Variants in APBA1 observed in about 807,000 individuals in gnomAD.
APBA1 encodes the protein amyloid-beta A4 precursor protein-binding family A member 1.
In APBA1, 55 loss-of-function variants were observed where a neutral mutation model predicts 86.6. That is an observed-to-expected ratio of 0.64 (90% CI 0.51 to 0.80). APBA1 has a LOEUF of 0.80. Ranked by LOEUF, APBA1 falls within the 30% of genes least tolerant of loss-of-function variation. The pLI is 0.00. For missense variants in APBA1, 1,090 were observed against 1,183.0 expected, an observed-to-expected ratio of 0.92 and a Z score of 1.15; for synonymous variants, 511 against 493.9, an observed-to-expected ratio of 1.03 and a Z score of -0.46.
At chr9:69,597,704 G>A (rs1374933641) in intron 1 of APBA1, among the ~76,000 whole-genome samples, 4 of 152,176 alleles carry the variant, frequency 2.6e-5, no homozygotes, top group Non-Finnish European at 4.4e-5. Flanking sequence ...TTGTAAGGAA[G>A]GGATCCAGTT....
chr9:69,609,530 T>C (rs547892706), intron 1 of APBA1, among the ~76,000 whole-genome samples: 5 of 152,324 alleles, frequency 3.3e-5, no homozygotes, highest in African/African-American at 1.2e-4. Flanking sequence ...ATGCACATGG[T>C]TTACTATGGC....
chr9:69,633,640 C>G (rs1823095417), intron 1 of APBA1, among the ~76,000 whole-genome samples: 2 of 152,148 alleles, frequency 1.3e-5, no homozygotes. Context: ...ATCAAAGTTT[C>G]CTCTCCATCT....
At position 69,427,865 on chromosome 9, in the gene APBA1, A is replaced by AGCACCTAGAGT; in HGVS notation, c.*3461_*3462insACTCTAGGTGC. On this transcript the variant is annotated 3_prime_UTR_variant, in exon 13 of 13. Coordinates refer to ENST00000265381, the MANE Select transcript of APBA1 (RefSeq NM_001163.4). The stretch of plus-strand genomic sequence containing the variant: ...TACTATACTTCTCCCGACACTTTAC[A>AGCACCTAGAGT]ATAAGCTCTATTTCACCCTCTTTAC... The AGCACCTAGAGT allele has an allele frequency of 6.6e-6, 1 of 152,326 alleles. No individual in the cohort carries two copies. Among genetic ancestry groups the AGCACCTAGAGT allele is most frequent in the Admixed American group, 6.5e-5 (1 of 15,300 alleles). The allele number at this position is 152,326 out of a possible 1,614,324, so 9.4% of individuals were successfully genotyped here.
chr9:69,605,300 G>A (rs753761086), intron 1 of APBA1, among the ~76,000 whole-genome samples: 2 of 151,248 alleles, frequency 1.3e-5, no homozygotes, highest in Non-Finnish European at 2.9e-5. Flanking sequence ...CCTCCCCAGA[G>A]CAAACTAAAA....
chr9:69,580,475 G>A (rs904273538), intron 1 of APBA1, among the ~76,000 whole-genome samples: 4 of 152,234 alleles, frequency 2.6e-5, no homozygotes, highest in Admixed American at 2.0e-4. Flanking sequence ...TGCCTGAAGG[G>A]TAAAAATCAA....
chr9:69,498,534 A>G (rs1835834566), intron 2 of APBA1, among the ~76,000 whole-genome samples: 1 of 152,160 alleles, frequency 6.6e-6, no homozygotes, highest in Admixed American at 6.5e-5. Flanking sequence ...AGAGCAGAGG[A>G]GGCTTGAAGG....
chr9:69,555,566 T>C (rs1836848221), intron 1 of APBA1, among the ~76,000 whole-genome samples: 1 of 152,198 alleles, frequency 6.6e-6, no homozygotes, highest in African/African-American at 2.4e-5. Context: ...CATCTATCCT[T>C]CTATACTGGC....
chr9:69,546,897 C>A (rs1416131672), intron 1 of APBA1, among the ~76,000 whole-genome samples: 1 of 152,196 alleles, frequency 6.6e-6, no homozygotes, highest in Non-Finnish European at 1.5e-5. Context: ...TATAGAGTTA[C>A]TGCAATGATA....
At chr9:69,643,019 AACAC>A (rs369247145) in intron 1 of APBA1, among the ~76,000 whole-genome samples, 234 of 141,504 alleles carry the variant, frequency 1.7e-3, no homozygotes, top group African/African-American at 3.7e-3. Context: ...CCCCGCCACA[AACAC>A]ACACACACAC....
At chr9:69,580,699 C>T (rs139764208) in intron 1 of APBA1, among the ~76,000 whole-genome samples, 1 of 152,222 alleles carries the variant, frequency 6.6e-6, no homozygotes, top group Non-Finnish European at 1.5e-5. Context: ...AAACCAAAAG[C>T]GTGAAATGCT....
chr9:69,554,983 T>C (rs111435450), intron 1 of APBA1, among the ~76,000 whole-genome samples: 15 of 152,334 alleles, frequency 9.8e-5, no homozygotes, highest in African/African-American at 3.1e-4. Context: ...CTAAGAGAGC[T>C]GGAGCACAAC....
At position 69,516,542 on chromosome 9, in the gene APBA1, C is replaced by T. The variant is rs781330819; in HGVS notation, c.669G>A (p.Ala223=). Residue 223 remains alanine (A), a synonymous_variant, in exon 2 of 13, where the codon GCG becomes GCA. Transcript: ENST00000265381. This position sits in a 1 kb window ranked among gnomAD's most constrained non-coding sequence, Gnocchi z 7.3. ...LRLYEQERDE[A]AAYRQEALGA... The stretch of plus-strand genomic sequence containing the variant: ...CCAGGGCCTCCTGGCGGTACGCGGC[C>T]GCCTCGTCGCGCTCCTGCTCGTAGA... The T allele has an allele frequency of 1.7e-4, 273 of 1,595,140 alleles. No homozygotes were observed. The highest frequency in any genetic ancestry group is 2.2e-4 in the Non-Finnish European group (260 of 1,176,678).
intron 1 of APBA1, among the ~76,000 whole-genome samples, chr9:69,605,566 T>C (rs921513926): frequency 2.0e-5 from 3 of 152,318 alleles, no homozygotes; most frequent in East Asian, 3.9e-4. Flanking sequence ...GCTTTTATTG[T>C]CACAAATGTT....
At chr9:69,631,933 G>A (rs755664127) in intron 1 of APBA1, among the ~76,000 whole-genome samples, 5 of 152,054 alleles carry the variant, frequency 3.3e-5, no homozygotes, top group Admixed American at 6.6e-5. Context: ...AGTATTAGGA[G>A]ATATACCTAA....
Position 69,581,603 on chromosome 9 carries a change from G to A in APBA1, c.-69-64324C>T, listed in dbSNP as rs992529247. Among the ~76,000 whole-genome samples, 16 of 152,180 alleles carry A rather than the reference G, an allele frequency of 1.1e-4. 1 individual carries two copies. The highest frequency in any genetic ancestry group is 2.1e-4 in the South Asian group (1 of 4,806). Reference sequence around the variant, plus strand: ...GACATGACTAGCCTAGAACAGTATCGGCACACAGTAGGCACTAAATAACTA... The same window carrying A: ...GACATGACTAGCCTAGAACAGTATCAGCACACAGTAGGCACTAAATAACTA... On this transcript the variant is annotated intron_variant, in intron 1 of 12. Transcript: ENST00000265381.
chr9:69,588,764 A>G (rs1272309683), intron 1 of APBA1, among the ~76,000 whole-genome samples: 1 of 152,184 alleles, frequency 6.6e-6, no homozygotes, highest in Non-Finnish European at 1.5e-5. Context: ...GGAGCTTTAC[A>G]TAGATTATCT....
chr9:69,602,119 T>C (rs944105623), intron 1 of APBA1, among the ~76,000 whole-genome samples: 4 of 152,248 alleles, frequency 2.6e-5, no homozygotes, highest in South Asian at 2.1e-4. Context: ...TCTTTTTTCA[T>C]GTATTCTCTT....
At chr9:69,521,305 T>C (rs147965575) in intron 1 of APBA1, among the ~76,000 whole-genome samples, 9 of 152,352 alleles carry the variant, frequency 5.9e-5, no homozygotes, top group Non-Finnish European at 1.2e-4. Context: ...GCACCCTGCA[T>C]TCTAACAGCC....
intron 1 of APBA1, among the ~76,000 whole-genome samples, chr9:69,547,015 A>C (rs2133924081): frequency 6.6e-6 from 1 of 152,370 alleles, no homozygotes; most frequent in African/African-American, 2.4e-5. Context: ...GTATTAAGAA[A>C]GTTCCTTTTT....
Sources: allele counts gnomAD v4.1 joint callset (sites outside exome capture counted in the v4.1 genomes callset), GRCh38; gene constraint gnomAD v4.1.1; non-coding constraint Gnocchi (gnomAD v3.1); transcripts MANE v1.5; gene names NCBI Gene and HGNC (gene_info 2026-07-23, HGNC 2026-07-21).